The following LRRC4C variants were observed in gnomAD, a reference collection of about 807,000 sequenced individuals.
LRRC4C encodes leucine rich repeat containing 4C.
Under a neutral mutation model 33.6 loss-of-function variants are expected in LRRC4C, and 5 were observed. That is an observed-to-expected ratio of 0.15 (90% CI 0.08 to 0.31). The LOEUF is 0.31. Among genes scored for constraint, LRRC4C ranks in the 10% least tolerant of loss-of-function variants. The pLI, the probability that LRRC4C is intolerant of heterozygous loss-of-function variation, is 1.00. For synonymous variants in LRRC4C, 329 were observed against 302.0 expected (o/e 1.09, Z -0.93); for missense variants, 560 against 796.7 (o/e 0.70, Z 3.58).
intron 2 of LRRC4C, among the ~76,000 whole-genome samples, chr11:40,845,372 T>C (rs1429378955): frequency 6.6e-6 from 1 of 152,154 alleles, no homozygotes; most frequent in Admixed American, 6.6e-5. Flanking sequence ...GTCCTCATTG[T>C]TCAACTCCCA....
chr11:40,369,586 C>T (rs140737733), intron 3 of LRRC4C, among the ~76,000 whole-genome samples: 4,742 of 152,298 alleles, frequency 0.031, 227 homozygotes, highest in African/African-American at 0.1. Context: ...GGTCTGCCCG[C>T]CTCAGCCTCC....
chr11:40,172,344 G>A (rs1860113900), intron 5 of LRRC4C, among the ~76,000 whole-genome samples: 1 of 151,994 alleles, frequency 6.6e-6, no homozygotes, highest in African/African-American at 2.4e-5. Flanking sequence ...TATTCCTACT[G>A]ACTAATCCTA....
At chr11:40,739,521 A>G (rs1419833052) in intron 2 of LRRC4C, among the ~76,000 whole-genome samples, 1 of 152,042 alleles carries the variant, frequency 6.6e-6, no homozygotes, top group Non-Finnish European at 1.5e-5. Context: ...ACAATTATAT[A>G]TTTGTGTAAT....
At chr11:40,147,438 G>C (rs1857833590) in intron 5 of LRRC4C, among the ~76,000 whole-genome samples, 1 of 152,024 alleles carries the variant, frequency 6.6e-6, no homozygotes, top group Non-Finnish European at 1.5e-5. Flanking sequence ...AACCTGGCTT[G>C]CTGCTCAAAT....
intron 1 of LRRC4C, among the ~76,000 whole-genome samples, chr11:41,414,110 T>G (rs1468177819): frequency 2.0e-5 from 3 of 152,302 alleles, no homozygotes; most frequent in East Asian, 1.9e-4. Flanking sequence ...AGCCTGAGGT[T>G]GTTGTGAAAA....
intron 1 of LRRC4C, among the ~76,000 whole-genome samples, chr11:40,990,713 A>T (rs143915991): frequency 1.3e-5 from 2 of 152,346 alleles, no homozygotes; most frequent in Non-Finnish European, 2.9e-5. Context: ...AATCAAGAGA[A>T]GAACACAAAC....
chr11:40,663,248 T>C (rs1298649138), intron 2 of LRRC4C, among the ~76,000 whole-genome samples: 1 of 151,156 alleles, frequency 6.6e-6, no homozygotes, highest in Admixed American at 6.6e-5. Flanking sequence ...GCCTGGCTAA[T>C]TTTTGTATTT....
chr11:40,325,886 C>A (rs10742538), intron 3 of LRRC4C, among the ~76,000 whole-genome samples: 143,183 of 152,004 alleles, frequency 0.94, 68,018 homozygotes, highest in Non-Finnish European at 1. Context: ...ATACTACTCA[C>A]AATTAGATTA....
At chr11:40,896,301 C>T (rs1232324381) in intron 2 of LRRC4C, among the ~76,000 whole-genome samples, 2 of 152,122 alleles carry the variant, frequency 1.3e-5, no homozygotes, top group East Asian at 1.9e-4. Flanking sequence ...TATAAATAAC[C>T]TAAATAACCA....
chr11:40,865,458 C>T (rs922183326), intron 2 of LRRC4C, among the ~76,000 whole-genome samples: 8 of 151,170 alleles, frequency 5.3e-5, no homozygotes, highest in Non-Finnish European at 1.2e-4. Context: ...AAAATGATGA[C>T]TATATGAGGC....
chr11:40,848,571 G>A (rs1433779460), intron 2 of LRRC4C, among the ~76,000 whole-genome samples: 1 of 152,078 alleles, frequency 6.6e-6, no homozygotes, highest in Admixed American at 6.6e-5. Context: ...CAATTATGTG[G>A]TTGATTTTAG....
chr11:40,457,579 A>G (rs1272745674), intron 3 of LRRC4C, among the ~76,000 whole-genome samples: 6 of 152,096 alleles, frequency 3.9e-5, no homozygotes, highest in African/African-American at 1.4e-4. Flanking sequence ...TCCTAGGTGC[A>G]CCATCACCTC....
chr11:40,583,160 C>T lies in LRRC4C; in HGVS notation c.-270+64982G>A, dbSNP rs565563971. Among the ~76,000 whole-genome samples, 76 of 152,190 alleles carry T rather than the reference C, an allele frequency of 5.0e-4. 1 individual carries two copies. Among genetic ancestry groups the T allele is most frequent in the African/African-American group, 1.6e-3 (65 of 41,538 alleles). ...CAACTTTTCCCATTCTATAAATTCC[C>T]GTTCTCGGGTGACCACATGACTGAT... On this transcript the variant is annotated intron_variant, in intron 3 of 6. Coordinates refer to ENST00000528697, the MANE Select transcript of LRRC4C (RefSeq NM_001258419.2).
chr11:40,417,614 A>G (rs1388861372), intron 3 of LRRC4C, among the ~76,000 whole-genome samples: 1 of 152,060 alleles, frequency 6.6e-6, no homozygotes, highest in Non-Finnish European at 1.5e-5. Flanking sequence ...GGCCTCCCAA[A>G]GTGCTGGGAT....
chr11:41,227,560 C>A (rs1475887693), intron 1 of LRRC4C, among the ~76,000 whole-genome samples: 1 of 152,048 alleles, frequency 6.6e-6, no homozygotes, highest in East Asian at 1.9e-4. Flanking sequence ...GATGCAGTGG[C>A]ACAATCATGG....
chr11:41,282,896 G>T (rs897449876), intron 1 of LRRC4C, among the ~76,000 whole-genome samples: 3 of 152,102 alleles, frequency 2.0e-5, no homozygotes, highest in Admixed American at 2.0e-4. Context: ...CAATACCCAA[G>T]GAAACTGGTA....
Position 40,115,911 on chromosome 11 carries a change from T to C in LRRC4C, c.382A>G (p.Thr128Ala). The stretch of plus-strand genomic sequence containing the variant: ...AGACGATTGTCAAAGAGTTCCAGAG[T>C]GTTGAGGTTCGCCAGACCATTGAAA... ...GAFNGLANLN[T>A]LELFDNRLTT... is the part of the protein sequence containing the mutation. The change falls in exon 7 of 7, where the codon ACT becomes GCT. Residue 128 changes from threonine (T) to alanine (A), a missense_variant. This residue lies in a region of LRRC4C where 455 missense variants were observed against 643.8 expected (regional missense o/e 0.71). Coordinates refer to ENST00000528697, the MANE Select transcript of LRRC4C (RefSeq NM_001258419.2). This position sits in a 1 kb window ranked among gnomAD's most constrained non-coding sequence, Gnocchi z 6.7. 1 of 1,614,010 alleles carries C rather than the reference T, an allele frequency of 6.2e-7. No homozygotes were observed. Among genetic ancestry groups the C allele is most frequent in the Non-Finnish European group, 8.5e-7 (1 of 1,179,996 alleles).
intron 3 of LRRC4C, among the ~76,000 whole-genome samples, chr11:40,514,058 A>G (rs1387628466): frequency 6.6e-6 from 1 of 151,866 alleles, no homozygotes. Context: ...TCTTTCTTTT[A>G]TTTTCTTGAA....
At chr11:41,209,522 G>C (rs1410166267) in intron 1 of LRRC4C, among the ~76,000 whole-genome samples, 1 of 151,858 alleles carries the variant, frequency 6.6e-6, no homozygotes, top group African/African-American at 2.4e-5. Context: ...CTGGGCGCCT[G>C]TAATCCCAGC....
Sources: gnomAD v4.1 joint callset for allele counts (sites outside exome capture counted in the v4.1 genomes callset) on GRCh38, gnomAD v4.1.1 for gene constraint, gnomAD v4.1.1 regional missense constraint, Gnocchi (gnomAD v3.1) non-coding constraint, MANE v1.5 for transcripts, NCBI Gene and HGNC (gene_info 2026-07-23, HGNC 2026-07-21) for gene names.